Variants in ROR1 observed in about 807,000 individuals in gnomAD.
The protein encoded by ROR1 is inactive tyrosine-protein kinase transmembrane receptor ROR1.
Under a neutral mutation model 78.8 loss-of-function variants are expected in ROR1, and 19 were observed. That is an observed-to-expected ratio of 0.24 (90% CI 0.17 to 0.35). ROR1 has a LOEUF of 0.35. Among genes scored for constraint, ROR1 ranks in the 10% least tolerant of loss-of-function variants. The pLI is 1.00. For missense variants in ROR1, 917 were observed against 1,177.8 expected (o/e 0.78, Z 3.24); for synonymous variants, 386 against 433.6 (o/e 0.89, Z 1.36).
chr1:64,001,400 A>T (rs910950002), intron 1 of ROR1, among the ~76,000 whole-genome samples: 2 of 152,216 alleles, frequency 1.3e-5, no homozygotes, highest in East Asian at 3.8e-4. Context: ...CTTTGTGGTG[A>T]CAAAATTGTT....
At chr1:63,862,816 C>G (rs1024799892) in intron 1 of ROR1, among the ~76,000 whole-genome samples, 1 of 152,174 alleles carries the variant, frequency 6.6e-6, no homozygotes, top group African/African-American at 2.4e-5. Flanking sequence ...AAGGTATTTT[C>G]TGACCTACTT....
chr1:63,914,287 C>T (rs1296487152), intron 1 of ROR1, among the ~76,000 whole-genome samples: 2 of 152,098 alleles, frequency 1.3e-5, no homozygotes, highest in South Asian at 2.1e-4. Flanking sequence ...AGTACAGACC[C>T]GCAGGGTTGT....
intron 2 of ROR1, among the ~76,000 whole-genome samples, chr1:64,040,272 A>T (rs532388479): frequency 6.6e-6 from 1 of 152,334 alleles, no homozygotes; most frequent in South Asian, 2.1e-4. Flanking sequence ...CCAATTCTCA[A>T]GCCAGAAACT....
chr1:63,814,077 G>A (rs1489262091), intron 1 of ROR1, among the ~76,000 whole-genome samples: 1 of 152,182 alleles, frequency 6.6e-6, no homozygotes, highest in African/African-American at 2.4e-5. Flanking sequence ...TAGTTTCTGT[G>A]TACATTTTAG....
At chr1:64,084,706 A>G (rs1034778059) in intron 4 of ROR1, among the ~76,000 whole-genome samples, 2 of 152,206 alleles carry the variant, frequency 1.3e-5, no homozygotes, top group Non-Finnish European at 2.9e-5. Context: ...TGATATGTCT[A>G]TGTCTGCAAG....
At chr1:63,908,828 C>T (rs1023079348) in intron 1 of ROR1, among the ~76,000 whole-genome samples, 4 of 152,196 alleles carry the variant, frequency 2.6e-5, no homozygotes, top group Non-Finnish European at 4.4e-5. Flanking sequence ...AGGCCTGATC[C>T]GGCCCCTACC....
intron 8 of ROR1, among the ~76,000 whole-genome samples, chr1:64,169,058 A>G (rs1271131073): frequency 6.6e-6 from 1 of 152,226 alleles, no homozygotes; most frequent in East Asian, 1.9e-4. Context: ...GATGTAGACT[A>G]TGCTGGTCAG....
At chr1:63,838,102 T>C (rs1392756224) in intron 1 of ROR1, among the ~76,000 whole-genome samples, 1 of 152,178 alleles carries the variant, frequency 6.6e-6, no homozygotes, top group Non-Finnish European at 1.5e-5. Flanking sequence ...CCTCCAGTTA[T>C]ATGCAGTATA....
chr1:63,796,871 G>GCTC (rs1644764640), intron 1 of ROR1, among the ~76,000 whole-genome samples: 1 of 152,280 alleles, frequency 6.6e-6, no homozygotes, highest in African/African-American at 2.4e-5. Context: ...CCCCAGCCCA[G>GCTC]CTCCTCAGTA....
intron 1 of ROR1, among the ~76,000 whole-genome samples, chr1:63,897,769 A>G (rs1645451859): frequency 6.6e-6 from 1 of 152,218 alleles, no homozygotes; most frequent in Non-Finnish European, 1.5e-5. Flanking sequence ...ATTAGTTAAT[A>G]CTAGCTGTCA....
At chr1:63,872,057 T>C (rs1008326439) in intron 1 of ROR1, among the ~76,000 whole-genome samples, 2 of 152,230 alleles carry the variant, frequency 1.3e-5, no homozygotes, top group African/African-American at 4.8e-5. Flanking sequence ...TGCAAAATAT[T>C]CTATTAAATA....
At chr1:63,970,008 T>C (rs1018667820) in intron 1 of ROR1, among the ~76,000 whole-genome samples, 12 of 152,202 alleles carry the variant, frequency 7.9e-5, no homozygotes, top group Non-Finnish European at 1.5e-4. Flanking sequence ...ATCATACTCA[T>C]TTTACCTTAT....
At chr1:63,874,824 A>G (rs1315194159) in intron 1 of ROR1, among the ~76,000 whole-genome samples, 1 of 152,140 alleles carries the variant, frequency 6.6e-6, no homozygotes. Flanking sequence ...CATTGCTTCC[A>G]CATTTTCTCT....
chr1:63,966,584 T>C (rs906768319), intron 1 of ROR1, among the ~76,000 whole-genome samples: 1 of 152,242 alleles, frequency 6.6e-6, no homozygotes, highest in Non-Finnish European at 1.5e-5. Flanking sequence ...TATGGAATTA[T>C]GCCCAAATGT....
chr1:64,030,596 A>G (rs1646652284), intron 2 of ROR1, among the ~76,000 whole-genome samples: 2 of 152,198 alleles, frequency 1.3e-5, no homozygotes, highest in South Asian at 4.1e-4. Flanking sequence ...CTCTAGAGGA[A>G]TTGAAGCCAT....
intron 2 of ROR1, among the ~76,000 whole-genome samples, chr1:64,037,699 G>C (rs1646713584): frequency 6.6e-6 from 1 of 152,186 alleles, no homozygotes; most frequent in Non-Finnish European, 1.5e-5. Flanking sequence ...ACGCTACCAT[G>C]TGCTAGCAAT....
At chr1:64,077,319 A>G (rs1647058491) in intron 4 of ROR1, among the ~76,000 whole-genome samples, 1 of 152,230 alleles carries the variant, frequency 6.6e-6, no homozygotes, top group South Asian at 2.1e-4. Flanking sequence ...CTCTGTCATC[A>G]GAATGAAATG....
At chr1:63,922,937 A>G (rs1645669164) in intron 1 of ROR1, among the ~76,000 whole-genome samples, 1 of 152,208 alleles carries the variant, frequency 6.6e-6, no homozygotes, top group South Asian at 2.1e-4. Flanking sequence ...CATCCGGCTA[A>G]GAAATTAGCA....
At chr1:64,018,390 C>A (rs1034710793) in intron 2 of ROR1, among the ~76,000 whole-genome samples, 2 of 152,118 alleles carry the variant, frequency 1.3e-5, no homozygotes, top group Non-Finnish European at 2.9e-5. Context: ...GATGAGAACA[C>A]CCTCCCCCAA....
Sources: allele counts gnomAD v4.1 joint callset (sites outside exome capture counted in the v4.1 genomes callset), GRCh38; gene constraint gnomAD v4.1.1; transcripts MANE v1.5; gene names NCBI Gene and HGNC (gene_info 2026-07-23, HGNC 2026-07-21).